MGAT4A: variants seen among roughly 807,000 people sequenced by gnomAD.
MGAT4A encodes the protein N-acetylglucosaminyltransferase IVa.
In MGAT4A, 33 loss-of-function variants were observed where a neutral mutation model predicts 74.1. The ratio of observed to expected loss-of-function variants is 0.45; its 90% CI spans 0.34 to 0.60. The LOEUF (loss-of-function observed/expected upper bound fraction) is 0.60. Among genes scored for constraint, MGAT4A ranks in the 20% least tolerant of loss-of-function variants. MGAT4A has a pLI of 0.02. For synonymous variants in MGAT4A, 198 were observed against 210.4 expected, an observed-to-expected ratio of 0.94 and a Z score of 0.51; for missense variants, 479 against 628.3, an observed-to-expected ratio of 0.76 and a Z score of 2.54.
At chr2:98,701,575 C>T (rs1702356570) in intron 2 of MGAT4A, among the ~76,000 whole-genome samples, 1 of 152,234 alleles carries the variant, frequency 6.6e-6, no homozygotes, top group Admixed American at 6.5e-5. Context: ...AGAAGCTTTC[C>T]AACCTGGAAA....
At chr2:98,633,501 A>T (rs1701273335) in intron 14 of MGAT4A, among the ~76,000 whole-genome samples, 1 of 152,218 alleles carries the variant, frequency 6.6e-6, no homozygotes, top group Non-Finnish European at 1.5e-5. Flanking sequence ...TTCACCAGTT[A>T]TAATTGTTTT....
chr2:98,630,845 T>G (rs1701221104), intron 14 of MGAT4A, among the ~76,000 whole-genome samples: 1 of 152,200 alleles, frequency 6.6e-6, no homozygotes, highest in Non-Finnish European at 1.5e-5. Flanking sequence ...AATTTGTATT[T>G]GGTACTGTGT....
intron 5 of MGAT4A, 67 bp from the exon 6 acceptor site, chr2:98,658,331 C>T (rs998854014): frequency 4.7e-6 from 4 of 842,226 alleles, no homozygotes; most frequent in South Asian, 3.4e-5. Context: ...TAATACTGAA[C>T]TCGAAATTAA....
rs773823723 is a variant in MGAT4A at position 98,675,067 on chromosome 2, G to A, written c.371C>T (p.Pro124Leu). ...HLLKNEGSLQPAVQIGNGRTG... is the reference protein window; with the variant it reads ...HLLKNEGSLQLAVQIGNGRTG... Reference sequence around the variant, plus strand: ...TCTTCCGTTGCCAATCTGTACAGCAGGTTGAAGACTTCCTTCATTTTTCAA... The same window carrying A: ...TCTTCCGTTGCCAATCTGTACAGCAAGTTGAAGACTTCCTTCATTTTTCAA... The change falls in exon 4 of 16, where the codon CCT (proline) becomes CTT (leucine). Residue 124 changes from proline (P) to leucine (L), a missense_variant. Pro to Leu is a moderately conservative substitution (Grantham distance 98). This residue lies in a region of MGAT4A where 205 missense variants were observed against 232.7 expected (regional missense o/e 0.88). Transcript: ENST00000393487. 1.2e-6 allele frequency: 2 copies of A among 1,611,696 alleles called. No homozygotes were observed.
In MGAT4A at chr2:98,625,482, C is replaced by A; in HGVS notation, c.*84G>T. 1.9e-6 allele frequency: 3 copies of A among 1,575,034 alleles called. No individual in the cohort carries two copies. In the South Asian group the frequency reaches 3.6e-5, roughly 19 times the overall value. ...AGTAGACTTCACAAGAGGTAGTGTTCAAGTAGAAATAAAAAAAAGATACAT... is the reference window on the plus strand; with the variant it reads ...AGTAGACTTCACAAGAGGTAGTGTTAAAGTAGAAATAAAAAAAAGATACAT... On this transcript the variant is annotated 3_prime_UTR_variant, in exon 16 of 16. Coordinates refer to ENST00000393487, the MANE Select transcript of MGAT4A (RefSeq NM_012214.3).
At chr2:98,685,185 G>A (rs572110149) in intron 2 of MGAT4A, among the ~76,000 whole-genome samples, 9 of 151,262 alleles carry the variant, frequency 5.9e-5, no homozygotes, top group African/African-American at 1.9e-4. Context: ...TGCAGTGAGT[G>A]GCAAATGTGC....
intron 3 of MGAT4A, among the ~76,000 whole-genome samples, chr2:98,675,790 G>A (rs538375552): frequency 2.0e-5 from 3 of 152,290 alleles, no homozygotes. Context: ...CCTGGCTCAA[G>A]CAATCCTCCT....
intron 3 of MGAT4A, among the ~76,000 whole-genome samples, chr2:98,676,337 G>C (rs1701976571): frequency 6.6e-6 from 1 of 152,138 alleles, no homozygotes; most frequent in South Asian, 2.1e-4. Context: ...GTGATAACAA[G>C]ATAAATGTTC....
chr2:98,659,388 C>T (rs569526232), intron 5 of MGAT4A, among the ~76,000 whole-genome samples: 230 of 152,168 alleles, frequency 1.5e-3, no homozygotes, highest in Non-Finnish European at 2.6e-3. Flanking sequence ...AGATCCTTGC[C>T]CCTTCAAGGA....
chr2:98,675,608 A>G (rs1309809684), intron 3 of MGAT4A, among the ~76,000 whole-genome samples: 1 of 149,924 alleles, frequency 6.7e-6, no homozygotes, highest in East Asian at 1.9e-4. Flanking sequence ...GTCCACTGGC[A>G]CAATCACGGT....
chr2:98,677,800 A>ATTT (rs1559166593), intron 3 of MGAT4A, among the ~76,000 whole-genome samples: 4 of 120,672 alleles, frequency 3.3e-5, no homozygotes, highest in East Asian at 2.1e-4. Context: ...GCAGGTAATA[A>ATTT]ATTTTTTTTT....
rs1164440843 is a variant in MGAT4A, at chr2:98,624,422, A to G, written c.*1144T>C. 2.1e-6 allele frequency: 2 copies of G among 963,648 alleles called. No individual in the cohort carries two copies. The highest frequency in any genetic ancestry group is 2.5e-6 in the Non-Finnish European group (2 of 810,284). The allele number at this position is 963,648 out of a possible 1,614,324, so 59.7% of individuals were successfully genotyped here. ...ATTTGGAATAGCGTGTTTAAGAGTA[A>G]TAAATACAGTCTCTTGGACACGGGA... On this transcript the variant is annotated 3_prime_UTR_variant, in exon 16 of 16. Coordinates refer to ENST00000393487, the MANE Select transcript of MGAT4A (RefSeq NM_012214.3).
rs756575152 is a variant in MGAT4A, at chr2:98,639,885, C to T, written c.1245G>A (p.Glu415=). Residue 415 remains glutamate (E), a synonymous_variant, in exon 12 of 16, where the codon GAG becomes GAA. Coordinates refer to ENST00000393487, the MANE Select transcript of MGAT4A (RefSeq NM_012214.3). Reference sequence around the variant, plus strand: ...TCGGTGTGATAGCCCAGAAGAAATCCTCTCCCATGTAAGTTTTCTCCAGCG... The same window carrying T: ...TCGGTGTGATAGCCCAGAAGAAATCTTCTCCCATGTAAGTTTTCTCCAGCG... ...GHTLEKTYMG[E]DFFWAITPIA... 6 of 1,614,120 alleles carry T rather than the reference C, an allele frequency of 3.7e-6. No homozygotes were observed. In the East Asian group the frequency reaches 1.3e-4, roughly 36 times the overall value.
At chr2:98,677,801 A>ATTTTTTTTTTTTTTT (rs70940122) in intron 3 of MGAT4A, among the ~76,000 whole-genome samples, 1 of 121,354 alleles carries the variant, frequency 8.2e-6, no homozygotes, top group Non-Finnish European at 1.7e-5. Flanking sequence ...CAGGTAATAA[A>ATTTTTTTTTTTTTTT]TTTTTTTTTT....
chr2:98,726,030 A>C, intron 2 of MGAT4A: 1 of 476,308 alleles, frequency 2.1e-6, no homozygotes, highest in Non-Finnish European at 3.7e-6. Context: ...CAATTATAAG[A>C]AACTGAAAAC....
At chr2:98,631,729 T>C (rs1434363610) in intron 14 of MGAT4A, among the ~76,000 whole-genome samples, 1 of 152,186 alleles carries the variant, frequency 6.6e-6, no homozygotes, top group Non-Finnish European at 1.5e-5. Flanking sequence ...CAATAAAACC[T>C]GGCACTCATT....
At chr2:98,660,881 C>A (rs898288418) in intron 5 of MGAT4A, among the ~76,000 whole-genome samples, 2 of 152,130 alleles carry the variant, frequency 1.3e-5, no homozygotes, top group African/African-American at 4.8e-5. Context: ...GATATGACCC[C>A]AAAAGCTCAG....
At chr2:98,678,597 G>C in intron 2 of MGAT4A, 126 bp from the exon 3 acceptor site, 1 of 497,594 alleles carries the variant, frequency 2.0e-6, no homozygotes, top group Non-Finnish European at 3.1e-6. Flanking sequence ...CATTGATACA[G>C]AACTGAAAAA....
At chr2:98,700,773 C>T (rs984335163) in intron 2 of MGAT4A, among the ~76,000 whole-genome samples, 1 of 151,832 alleles carries the variant, frequency 6.6e-6, no homozygotes. Context: ...CACCTGTAAT[C>T]CCAGCTACTC....
Sources: gnomAD v4.1 joint callset for allele counts (sites outside exome capture counted in the v4.1 genomes callset) on GRCh38, gnomAD v4.1.1 for gene constraint, gnomAD v4.1.1 regional missense constraint, MANE v1.5 for transcripts, NCBI Gene and HGNC (gene_info 2026-07-23, HGNC 2026-07-21) for gene names.